AFDN: variants seen among roughly 807,000 people sequenced by gnomAD.
AFDN encodes afadin, adherens junction formation factor.
A neutral mutation model predicts 216.6 loss-of-function variants in AFDN; 68 were observed. The observed-to-expected ratio is 0.31, with a 90% CI of 0.26 to 0.38. The LOEUF (loss-of-function observed/expected upper bound fraction) is 0.38, where lower values mean the gene tolerates loss of function less well. Among genes scored for constraint, AFDN ranks in the 10% least tolerant of loss-of-function variants. The probability of loss-of-function intolerance (pLI) is 1.00; values close to 1 mark genes in which losing one functional copy is unlikely to be tolerated. For synonymous variants in AFDN, 868 were observed against 853.7 expected (o/e 1.02, Z -0.29); for missense variants, 2,136 against 2,342.0 (o/e 0.91, Z 1.82).
chr6:167,896,876 A>G lies in AFDN; in HGVS notation c.1223-2A>G. On this transcript the variant is annotated splice_acceptor_variant, in intron 9 of 33. Transcript: ENST00000683244. LOFTEE classifies it high-confidence loss of function. ...AGAGCTGTCTTCCTTCTCTTCTCAC[A>G]GATGGTTCTGACTCTAGAGATAAGC... 1 of 1,599,458 alleles carries G rather than the reference A, an allele frequency of 6.3e-7. No homozygotes were observed. The highest frequency in any genetic ancestry group is 8.6e-7 in the Non-Finnish European group (1 of 1,167,446).
intron 1 of AFDN, among the ~76,000 whole-genome samples, chr6:167,835,743 A>G (rs1243197037): frequency 1.3e-5 from 2 of 152,214 alleles, no homozygotes; most frequent in African/African-American, 4.8e-5. Flanking sequence ...AAAATGAGAA[A>G]GGCTAATACT....
At chr6:167,845,051 G>T (rs926953027) in intron 1 of AFDN, among the ~76,000 whole-genome samples, 1 of 151,930 alleles carries the variant, frequency 6.6e-6, no homozygotes, top group Admixed American at 6.6e-5. Flanking sequence ...GTATAAAGAT[G>T]TGGTCTCACT....
At chr6:167,866,901 C>T (rs1784250241) in intron 2 of AFDN, among the ~76,000 whole-genome samples, 1 of 152,220 alleles carries the variant, frequency 6.6e-6, no homozygotes, top group South Asian at 2.1e-4. Flanking sequence ...TACCGCAGCC[C>T]TAGTGAGCTA....
chr6:167,935,779 CT>C (rs1175718034), intron 23 of AFDN, among the ~76,000 whole-genome samples: 2 of 148,252 alleles, frequency 1.3e-5, no homozygotes, highest in Admixed American at 1.3e-4. Context: ...TTTTGCTTTT[CT>C]TTTTTTTTTC....
chr6:167,839,128 C>T (rs1780770376), intron 1 of AFDN, among the ~76,000 whole-genome samples: 2 of 152,070 alleles, frequency 1.3e-5, no homozygotes, highest in South Asian at 4.1e-4. Flanking sequence ...ACAGTAGCTT[C>T]TGATAAATCA....
intron 33 of AFDN, 27 bp downstream of exon 33, chr6:167,969,225 A>G (rs1283324550): frequency 3.2e-6 from 5 of 1,554,554 alleles, no homozygotes; most frequent in Non-Finnish European, 3.6e-6. Flanking sequence ...TAGACGAGGA[A>G]CTTCATCTGT....
chr6:167,917,964 G>A (rs564177213), intron 20 of AFDN, among the ~76,000 whole-genome samples: 1 of 152,200 alleles, frequency 6.6e-6, no homozygotes, highest in African/African-American at 2.4e-5. Context: ...CATAGAATAT[G>A]CTTCTATCTG....
chr6:167,828,461 C>CTGAGT (rs1048280502), intron 1 of AFDN, among the ~76,000 whole-genome samples: 1 of 152,182 alleles, frequency 6.6e-6, no homozygotes, highest in East Asian at 1.9e-4. Flanking sequence ...TGTCTTAATA[C>CTGAGT]TGAGTTGAAT....
chr6:167,846,880 A>G (rs1488477520), intron 1 of AFDN, among the ~76,000 whole-genome samples: 2 of 152,086 alleles, frequency 1.3e-5, no homozygotes, highest in Non-Finnish European at 2.9e-5. Context: ...TAATTCGTCA[A>G]CTGAATCTGC....
chr6:167,860,187 T>A (rs867369828), intron 1 of AFDN, among the ~76,000 whole-genome samples: 1,026 of 89,054 alleles, frequency 0.012, 13 homozygotes, highest in Middle Eastern at 0.053. Context: ...TTTTTTTTTT[T>A]AGAAACCTTT....
At chr6:167,944,082 C>T (rs781348782) in intron 26 of AFDN, 23 bp downstream of exon 26, 3 of 1,555,610 alleles carry the variant, frequency 1.9e-6, no homozygotes, top group Non-Finnish European at 2.7e-6. Context: ...AGGGAAACAA[C>T]AGTGTTTTAC....
chr6:167,826,876 G>GCACGAC (rs1562507021), upstream of AFDN: 2 of 138,324 alleles, frequency 1.4e-5, no homozygotes, highest in Non-Finnish European at 3.3e-5. Context: ...GGCGGGGCGC[G>GCACGAC]GGCGGGTGCG....
intron 29 of AFDN, among the ~76,000 whole-genome samples, chr6:167,949,359 G>A (rs1034103321): frequency 1.3e-5 from 2 of 152,198 alleles, no homozygotes; most frequent in Non-Finnish European, 2.9e-5. Context: ...TTTGAGCTGA[G>A]CCTTGAAGAA....
Position 167,875,344 on chromosome 6 carries a change from T to A in AFDN, c.588T>A (p.Ser196=), listed in dbSNP as rs779777598. The change falls in exon 5 of 34, where the codon TCT becomes TCA. Residue 196 remains serine (S), a synonymous_variant. Coordinates refer to ENST00000683244, the MANE Select transcript of AFDN (RefSeq NM_001386888.1). ...RPFQGEDVEN[S]RLAAEVYKDM... ...TTTTTTTTTCTTACAGTGAAAATTC[T>A]CGACTGGCTGCTGAGGTTTACAAAG... The A allele has an allele frequency of 5.6e-6, 9 of 1,603,960 alleles. No homozygotes were observed. The Middle Eastern group carries it at 5.0e-4, about 89-fold the overall frequency.
At chr6:167,948,699 A>G (rs1795622010) in intron 29 of AFDN, among the ~76,000 whole-genome samples, 1 of 152,218 alleles carries the variant, frequency 6.6e-6, no homozygotes, top group Non-Finnish European at 1.5e-5. Flanking sequence ...AATGTTAGGA[A>G]TATAAGGCCT....
At chr6:167,937,012 T>C (rs1583474851) in intron 23 of AFDN, among the ~76,000 whole-genome samples, 1 of 152,210 alleles carries the variant, frequency 6.6e-6, no homozygotes, top group East Asian at 1.9e-4. Context: ...AGTTTATGAC[T>C]GTGAGCTGCA....
intron 1 of AFDN, among the ~76,000 whole-genome samples, 184 bp downstream of exon 1, chr6:167,827,421 T>A (rs1322107015): frequency 7.6e-6 from 1 of 131,884 alleles, no homozygotes; most frequent in Non-Finnish European, 1.6e-5. Flanking sequence ...GCAGCCCCCG[T>A]CCCCCTGCCG....
rs1035613745 is a variant in AFDN, at chr6:167,970,520, A to G, written c.*585A>G. The G allele has an allele frequency of 2.6e-4, 56 of 217,424 alleles. No individual in the cohort carries two copies. The highest frequency in any genetic ancestry group is 3.9e-4 in the Non-Finnish European group (42 of 108,134). 13.5% of individuals were successfully genotyped at this position (217,424 alleles called of 1,614,324 possible). On this transcript the variant is annotated 3_prime_UTR_variant, in exon 34 of 34. Transcript: ENST00000683244. ...CTGCATCGTGAAGTGGCTTAGGCCA[A>G]AGCTTCCTGTGTGATGACGCACGTC...
rs760658713 is a variant in AFDN, at chr6:167,917,100, G to C, written c.2577G>C (p.Leu859Phe). 6.2e-7 allele frequency: 1 copy of C among 1,612,380 alleles called. No homozygotes were observed. The highest frequency in any genetic ancestry group is 2.2e-5 in the East Asian group (1 of 44,718). The change falls in exon 20 of 34, where the codon TTG becomes TTC. Residue 859 changes from leucine (L) to phenylalanine (F), a missense_variant. Leu to Phe is a conservative substitution (Grantham distance 22). Transcript: ENST00000683244. ...HLSRIVQATTLLTMDKYAPDD... is the reference protein window; with the variant it reads ...HLSRIVQATTFLTMDKYAPDD... Reference sequence around the variant, plus strand: ...ATTCTTTTACATAGGCAACGACTTTGCTTACCATGGATAAGTATGCACCTG... The same window carrying C: ...ATTCTTTTACATAGGCAACGACTTTCCTTACCATGGATAAGTATGCACCTG...
Sources: allele counts gnomAD v4.1 joint callset (sites outside exome capture counted in the v4.1 genomes callset), GRCh38; gene constraint gnomAD v4.1.1; transcripts MANE v1.5; gene names NCBI Gene and HGNC (gene_info 2026-07-23, HGNC 2026-07-21).